SORBS2: variants seen among roughly 807,000 people sequenced by gnomAD.
SORBS2 encodes the protein sorbin and SH3 domain containing 2, also known as sorbin and SH3 domain-containing protein 2.
SORBS2 carries 46 observed loss-of-function variants against 97.7 expected under a neutral mutation model. The ratio of observed to expected loss-of-function variants is 0.47; its 90% CI spans 0.37 to 0.60. SORBS2 has a LOEUF of 0.60. Among genes scored for constraint, SORBS2 ranks in the 20% least tolerant of loss-of-function variants. The pLI, the probability that SORBS2 is intolerant of heterozygous loss-of-function variation, is 0.00. For synonymous variants in SORBS2, 476 were observed against 473.4 expected, an observed-to-expected ratio of 1.01 and a Z score of -0.07; for missense variants, 1,316 against 1,282.3, an observed-to-expected ratio of 1.03 and a Z score of -0.40.
At chr4:185,835,587 A>G (rs1450107966) in intron 1 of SORBS2, among the ~76,000 whole-genome samples, 1 of 152,158 alleles carries the variant, frequency 6.6e-6, no homozygotes, top group Non-Finnish European at 1.5e-5. Context: ...GCACTGTTCA[A>G]AAAAGGTGAT....
At chr4:185,721,084 CTTTTTTTTTTT>C (rs1160319469) in intron 2 of SORBS2, among the ~76,000 whole-genome samples, 5 of 92,196 alleles carry the variant, frequency 5.4e-5, no homozygotes, top group Admixed American at 4.0e-4. Flanking sequence ...CCCACCTATT[CTTTTTTTTTTT>C]TTTTTTTTTT....
intron 4 of SORBS2, among the ~76,000 whole-genome samples, chr4:185,672,518 G>A (rs4862559): frequency 0.79 from 120,476 of 152,132 alleles, 47,945 homozygotes; most frequent in East Asian, 0.93. Context: ...ATCACACAGT[G>A]CCATAAGGAT....
intron 1 of SORBS2, among the ~76,000 whole-genome samples, chr4:185,893,004 G>A (rs1335359710): frequency 6.6e-6 from 1 of 152,026 alleles, no homozygotes; most frequent in African/African-American, 2.4e-5. Flanking sequence ...ACAAGAATAG[G>A]GAACTACATA....
At chr4:185,793,184 A>T (rs1478104460) in intron 1 of SORBS2, among the ~76,000 whole-genome samples, 2 of 152,248 alleles carry the variant, frequency 1.3e-5, no homozygotes, top group Non-Finnish European at 2.9e-5. Flanking sequence ...CAAGAAAAAC[A>T]CCATTAAGCA....
intron 4 of SORBS2, among the ~76,000 whole-genome samples, chr4:185,667,384 A>G (rs2097627874): frequency 6.6e-6 from 1 of 152,200 alleles, no homozygotes; most frequent in Admixed American, 6.5e-5. Flanking sequence ...AAAGGTTGCA[A>G]TAATTTTTTT....
At chr4:185,629,139 T>G (rs560879513) in intron 5 of SORBS2, among the ~76,000 whole-genome samples, 25 of 152,300 alleles carry the variant, frequency 1.6e-4, no homozygotes, top group African/African-American at 5.8e-4. Flanking sequence ...TGAATACATG[T>G]GTCTGGGATG....
chr4:185,804,234 G>A (rs2099143339), intron 1 of SORBS2, among the ~76,000 whole-genome samples: 1 of 152,302 alleles, frequency 6.6e-6, no homozygotes, highest in Middle Eastern at 3.4e-3. Context: ...ACCACACGCA[G>A]GTTACCTTGC....
chr4:185,656,622 G>T (rs750845678), exon 1 of SORBS2: 1 of 1,550,272 alleles, frequency 6.5e-7, no homozygotes, highest in South Asian at 1.2e-5. Context: ...CACCTGCAAA[G>T]GTGTTGTTGC....
chr4:185,770,503 TCTA>T (rs1355643338), intron 2 of SORBS2, among the ~76,000 whole-genome samples: 1 of 152,218 alleles, frequency 6.6e-6, no homozygotes, highest in East Asian at 1.9e-4. Context: ...ATGCTCAGGC[TCTA>T]CTACTTCTTA....
At chr4:185,956,041 C>T (rs533627831) in intron 1 of SORBS2, among the ~76,000 whole-genome samples, 1 of 152,200 alleles carries the variant, frequency 6.6e-6, no homozygotes, top group Non-Finnish European at 1.5e-5. Flanking sequence ...TGCTTAGTAG[C>T]TTCTCCCCCA....
At chr4:185,724,695 C>T (rs1032108972) in intron 2 of SORBS2, among the ~76,000 whole-genome samples, 2 of 152,138 alleles carry the variant, frequency 1.3e-5, no homozygotes, top group Non-Finnish European at 2.9e-5. Flanking sequence ...CGTCTTCGGC[C>T]ACCTCTCTCA....
At chr4:185,741,402 T>TG (rs2098724920) in intron 2 of SORBS2, among the ~76,000 whole-genome samples, 2 of 114,150 alleles carry the variant, frequency 1.8e-5, no homozygotes, top group Admixed American at 9.0e-5. Flanking sequence ...TCTTTTTTTT[T>TG]TGTTTTTTTT....
chr4:185,659,611 CG>C (rs565943083), upstream of SORBS2, among the ~76,000 whole-genome samples: 409 of 151,784 alleles, frequency 2.7e-3, 3 homozygotes, highest in Middle Eastern at 0.01. Flanking sequence ...TTAGTAGAGA[CG>C]GGGTTTCACC....
At chr4:185,788,367 G>C (rs904828880) in intron 1 of SORBS2, among the ~76,000 whole-genome samples, 3 of 152,118 alleles carry the variant, frequency 2.0e-5, no homozygotes, top group African/African-American at 7.2e-5. Context: ...ATCCTAAAAA[G>C]AAAAACAAAT....
intron 2 of SORBS2, among the ~76,000 whole-genome samples, chr4:185,766,653 A>G (rs2098935747): frequency 6.6e-6 from 1 of 152,230 alleles, no homozygotes; most frequent in Non-Finnish European, 1.5e-5. Context: ...TCAAACACAC[A>G]CAAAACTCCT....
At chr4:185,612,277 A>C (rs1231200710) in intron 11 of SORBS2, among the ~76,000 whole-genome samples, 1 of 152,164 alleles carries the variant, frequency 6.6e-6, no homozygotes, top group Non-Finnish European at 1.5e-5. Context: ...TTATTTGTCT[A>C]AGTTATTTCA....
chr4:185,614,662 G>A (rs2096600888), intron 11 of SORBS2, 169 bp downstream of exon 23: 1 of 740,802 alleles, frequency 1.3e-6, no homozygotes, highest in Non-Finnish European at 2.1e-6. Flanking sequence ...GACCAGCAGG[G>A]AACCGTGACT....
intron 2 of SORBS2, among the ~76,000 whole-genome samples, chr4:185,715,522 A>G (rs1020200412): frequency 1.3e-5 from 2 of 152,160 alleles, no homozygotes; most frequent in Non-Finnish European, 2.9e-5. Flanking sequence ...CTGAAAATTT[A>G]AAATCAGAAA....
intron 7 of SORBS2, among the ~76,000 whole-genome samples, chr4:185,620,541 A>G (rs1180436548): frequency 1.3e-5 from 2 of 152,184 alleles, no homozygotes; most frequent in African/African-American, 4.8e-5. Flanking sequence ...CAGAGGATGG[A>G]GAATTTGAAA....
Sources: gnomAD v4.1 joint callset for allele counts (sites outside exome capture counted in the v4.1 genomes callset) on GRCh38, gnomAD v4.1.1 for gene constraint, MANE v1.5 for transcripts, NCBI Gene and HGNC (gene_info 2026-07-23, HGNC 2026-07-21) for gene names.